The following UBE3C variants were observed in gnomAD, a reference collection of about 807,000 sequenced individuals.
UBE3C encodes ubiquitin-protein ligase E3C.
A neutral mutation model predicts 129.4 loss-of-function variants in UBE3C; 42 were observed. The ratio of observed to expected loss-of-function variants is 0.32; its 90% confidence interval spans 0.25 to 0.42. UBE3C has a LOEUF of 0.42. Ranked by LOEUF, UBE3C falls within the 10% of genes least tolerant of loss-of-function variation. The probability of loss-of-function intolerance (pLI) is 1.00; values close to 1 mark genes in which losing one functional copy is unlikely to be tolerated. For synonymous variants in UBE3C, 510 were observed against 492.4 expected (o/e 1.04, Z -0.47); for missense variants, 1,049 against 1,319.1 (o/e 0.80, Z 3.17).
rs141058800 is a variant in UBE3C, at chr7:157,240,368, T to C, written c.2482-8000T>C. ...TAGCACCCGGCCAGCAAGCTGTGAA[T>C]AGGCTTCAATTAATAAGTGTGACTC... On this transcript the variant is annotated intron_variant, in intron 18 of 22. Coordinates refer to ENST00000348165, the MANE Select transcript of UBE3C (RefSeq NM_014671.3). Among the ~76,000 whole-genome samples, 620 of 152,300 alleles carry C rather than the reference T, an allele frequency of 4.1e-3. 2 individuals carry two copies. Among genetic ancestry groups the C allele is most frequent in the African/African-American group, 0.014 (574 of 41,564 alleles).
chr7:157,242,514 GTTTTTTTTTTT>G (rs33913991), intron 18 of UBE3C, among the ~76,000 whole-genome samples: 1 of 112,126 alleles, frequency 8.9e-6, no homozygotes, highest in South Asian at 2.9e-4. Context: ...AGCCTGAGTT[GTTTTTTTTTTT>G]TTTTTTTTTT....
chr7:157,246,722 T>C (rs1198072417), intron 18 of UBE3C, among the ~76,000 whole-genome samples: 1 of 152,092 alleles, frequency 6.6e-6, no homozygotes, highest in Non-Finnish European at 1.5e-5. Flanking sequence ...AAAATTCCAG[T>C]GCTGCACCTC....
At chr7:157,214,272 A>G (rs1809674706) in intron 13 of UBE3C, among the ~76,000 whole-genome samples, 1 of 152,230 alleles carries the variant, frequency 6.6e-6, no homozygotes, top group Non-Finnish European at 1.5e-5. Context: ...ATTTAGTAGA[A>G]GAATGTAAAT....
At chr7:157,178,370 A>G (rs1008809081) in intron 5 of UBE3C, among the ~76,000 whole-genome samples, 1 of 152,240 alleles carries the variant, frequency 6.6e-6, no homozygotes, top group Admixed American at 6.5e-5. Context: ...GCTTCTTGGT[A>G]CAATTCATGG....
rs370251664 is a variant in UBE3C, at chr7:157,225,455, G to A, written c.2149G>A (p.Gly717Ser). The change falls in exon 17 of 23, where the codon GGT becomes AGT. Residue 717 changes from glycine (G) to serine (S), a missense_variant. Gly to Ser is a moderately conservative substitution (Grantham distance 56). Coordinates refer to ENST00000348165, the MANE Select transcript of UBE3C (RefSeq NM_014671.3). ...AGATAAGCAAGAAGTTCAAGGAGAT[G>A]GTCCATTTCTGGATGGAATTAATGT... Reference protein sequence around the residue: ...YADKQEVQGDGPFLDGINVTI... With the variant: ...YADKQEVQGDSPFLDGINVTI... 2 of 1,605,852 alleles carry A rather than the reference G, an allele frequency of 1.2e-6. No homozygotes were observed. The highest frequency in any genetic ancestry group is 1.3e-5 in the African/African-American group (1 of 74,474).
intron 4 of UBE3C, among the ~76,000 whole-genome samples, chr7:157,172,853 T>C (rs1218259143): frequency 6.6e-6 from 1 of 152,206 alleles, no homozygotes; most frequent in Admixed American, 6.5e-5. Context: ...TCGATTGGTG[T>C]CTCTCCAGAG....
intron 18 of UBE3C, among the ~76,000 whole-genome samples, chr7:157,238,972 G>A (rs1236778272): frequency 6.6e-6 from 1 of 152,228 alleles, no homozygotes; most frequent in Non-Finnish European, 1.5e-5. Flanking sequence ...TTAGCACTGA[G>A]AAGTGGCCAT....
chr7:157,243,282 C>T (rs906040170), intron 18 of UBE3C, among the ~76,000 whole-genome samples: 3 of 152,132 alleles, frequency 2.0e-5, no homozygotes, highest in African/African-American at 7.2e-5. Flanking sequence ...GCCAGGGTCT[C>T]AAGGAAGAAA....
At chr7:157,146,816 A>T (rs1456162858) in intron 1 of UBE3C, among the ~76,000 whole-genome samples, 1 of 151,650 alleles carries the variant, frequency 6.6e-6, no homozygotes, top group East Asian at 2.0e-4. Flanking sequence ...ACACCTGGTT[A>T]ATTTTTGTAT....
intron 13 of UBE3C, among the ~76,000 whole-genome samples, chr7:157,212,977 T>C (rs1311693363): frequency 6.6e-5 from 10 of 152,178 alleles, no homozygotes; most frequent in African/African-American, 2.4e-4. Context: ...AGGCTGGTCT[T>C]GAACTCCTAG....
chr7:157,177,947 G>A (rs3802123), intron 5 of UBE3C, among the ~76,000 whole-genome samples: 65,943 of 145,634 alleles, frequency 0.45, 16,163 homozygotes, highest in African/African-American at 0.7. Context: ...TTTTTTTTAA[G>A]AAAAAGGAAA....
intron 10 of UBE3C, among the ~76,000 whole-genome samples, chr7:157,200,771 A>G (rs1482036361): frequency 3.3e-5 from 5 of 151,972 alleles, no homozygotes; most frequent in African/African-American, 1.2e-4. Context: ...AGTAGCTGGG[A>G]CTACAGCCAC....
intron 13 of UBE3C, among the ~76,000 whole-genome samples, chr7:157,213,036 G>A (rs1184773603): frequency 6.6e-6 from 1 of 152,168 alleles, no homozygotes; most frequent in African/African-American, 2.4e-5. Flanking sequence ...AGGATTACAG[G>A]TGTGAGCCAC....
At chr7:157,148,089 G>GT (rs1261595110) in intron 1 of UBE3C, among the ~76,000 whole-genome samples, 1 of 150,684 alleles carries the variant, frequency 6.6e-6, no homozygotes, top group Non-Finnish European at 1.5e-5. Context: ...AATTACTATA[G>GT]TTTTTTTGTT....
In UBE3C at chr7:157,220,903, A is replaced by G. The variant is rs1416923348; in HGVS notation, c.2002+127A>G. 2.2e-5 allele frequency: 25 copies of G among 1,161,830 alleles called. No homozygotes were observed. The Admixed American group carries it at 3.9e-4, about 18-fold the overall frequency. The allele number at this position is 1,161,830 out of a possible 1,614,324, so 72.0% of individuals were successfully genotyped here. On this transcript the variant is annotated intron_variant, in intron 15 of 22. Transcript: ENST00000348165. Reference sequence around the variant, plus strand: ...CATGTCACTCCCAGCAGGAGCTACCATGTAGAAAAGTTTCATCACCCACAA... The same window carrying G: ...CATGTCACTCCCAGCAGGAGCTACCGTGTAGAAAAGTTTCATCACCCACAA...
intron 10 of UBE3C, among the ~76,000 whole-genome samples, chr7:157,195,555 C>G (rs1392694708): frequency 6.6e-6 from 1 of 152,142 alleles, no homozygotes; most frequent in African/African-American, 2.4e-5. Flanking sequence ...CCAATTTCTG[C>G]TTTTTGAACA....
Position 157,248,350 on chromosome 7 carries a change from C to G in UBE3C, c.2482-18C>G, listed in dbSNP as rs2116680833. On this transcript the variant is annotated intron_variant, in intron 18 of 22. Coordinates refer to ENST00000348165, the MANE Select transcript of UBE3C (RefSeq NM_014671.3). ...CTTGTATATTCGATGCTAACGTTGTCACTGTTCTCTTTTGAAGGCTCTCTA... is the reference window on the plus strand; with the variant it reads ...CTTGTATATTCGATGCTAACGTTGTGACTGTTCTCTTTTGAAGGCTCTCTA... 5 of 1,607,434 alleles carry G rather than the reference C, an allele frequency of 3.1e-6. No homozygotes were observed. The East Asian group carries it at 1.1e-4, about 36-fold the overall frequency.
intron 22 of UBE3C, among the ~76,000 whole-genome samples, chr7:157,264,605 G>A (rs1265615698): frequency 1.3e-5 from 2 of 152,174 alleles, no homozygotes; most frequent in African/African-American, 4.8e-5. Flanking sequence ...TTTTAAGACA[G>A]AGTTTCACTC....
chr7:157,248,084 G>C (rs955231594), intron 18 of UBE3C, among the ~76,000 whole-genome samples: 3 of 152,148 alleles, frequency 2.0e-5, no homozygotes, highest in African/African-American at 7.2e-5. Flanking sequence ...GCATTTGTTG[G>C]CTTCTGTCTC....
Sources: gnomAD v4.1 joint callset for allele counts (sites outside exome capture counted in the v4.1 genomes callset) on GRCh38, gnomAD v4.1.1 for gene constraint, MANE v1.5 for transcripts, NCBI Gene and HGNC (gene_info 2026-07-23, HGNC 2026-07-21) for gene names.